ENTREP2: variants seen among roughly 807,000 people sequenced by gnomAD.
The protein encoded by ENTREP2 is protein ENTREP2.
the ENTREP2 span, among the ~76,000 whole-genome samples, chr15:29,158,991 A>G: frequency 2.0e-5 from 3 of 152,122 alleles, no homozygotes; most frequent in Non-Finnish European, 4.4e-5. Flanking sequence ...GACAATGTAC[A>G]TACATATAGC....
the ENTREP2 span, among the ~76,000 whole-genome samples, chr15:29,226,664 G>C: frequency 6.6e-6 from 1 of 152,164 alleles, no homozygotes; most frequent in African/African-American, 2.4e-5. Context: ...GGTTACTATG[G>C]GGCTCTTCCG....
the ENTREP2 span, among the ~76,000 whole-genome samples, chr15:29,274,311 G>C: frequency 3.9e-5 from 6 of 152,208 alleles, no homozygotes; most frequent in Non-Finnish European, 8.8e-5. Context: ...AACTGTCACA[G>C]GAGAAGATTA....
At chr15:29,667,716 G>A in the ENTREP2 span, among the ~76,000 whole-genome samples, 2 of 151,462 alleles carry the variant, frequency 1.3e-5, no homozygotes, top group Admixed American at 6.6e-5. Flanking sequence ...GGCTGGTCTC[G>A]AACTCCTGAC....
At chr15:29,305,905 G>A in the ENTREP2 span, among the ~76,000 whole-genome samples, 1 of 152,226 alleles carries the variant, frequency 6.6e-6, no homozygotes, top group Non-Finnish European at 1.5e-5. Context: ...GCTTCGTGCT[G>A]AAGCACTTCC....
chr15:29,651,023 A>G, the ENTREP2 span, among the ~76,000 whole-genome samples: 2 of 152,218 alleles, frequency 1.3e-5, no homozygotes, highest in Admixed American at 6.5e-5. Flanking sequence ...TCTCTAAAAC[A>G]TAAAAATAAT....
At chr15:29,132,014 G>A in the ENTREP2 span, among the ~76,000 whole-genome samples, 3 of 147,296 alleles carry the variant, frequency 2.0e-5, no homozygotes, top group Non-Finnish European at 4.5e-5. Flanking sequence ...CCTCGTGGAG[G>A]CCGCCCCCTC....
At chr15:29,436,490 G>T in the ENTREP2 span, among the ~76,000 whole-genome samples, 8 of 152,154 alleles carry the variant, frequency 5.3e-5, no homozygotes, top group Non-Finnish European at 8.8e-5. Context: ...GGTGTTCTGT[G>T]AGCAGAGATT....
At chr15:29,602,774 A>G in the ENTREP2 span, among the ~76,000 whole-genome samples, 1 of 152,164 alleles carries the variant, frequency 6.6e-6, no homozygotes, top group African/African-American at 2.4e-5. Context: ...GAGCCAAAAC[A>G]CAAAGCCATT....
At chr15:29,388,475 C>T in the ENTREP2 span, among the ~76,000 whole-genome samples, 1,936 of 152,186 alleles carry the variant, frequency 0.013, 31 homozygotes, top group Non-Finnish European at 0.014. Flanking sequence ...CAACAGGTGC[C>T]GGAGAGGACG....
At chr15:29,180,385 G>T in the ENTREP2 span, among the ~76,000 whole-genome samples, 1 of 152,160 alleles carries the variant, frequency 6.6e-6, no homozygotes, top group African/African-American at 2.4e-5. Flanking sequence ...TAAAAAGTAG[G>T]CCAGGCGCAC....
chr15:29,388,620 A>G, the ENTREP2 span, among the ~76,000 whole-genome samples: 1,196 of 152,352 alleles, frequency 7.9e-3, 6 homozygotes, highest in Non-Finnish European at 0.013. Flanking sequence ...TACTGGGTAT[A>G]TACCCAAAGG....
At chr15:29,627,241 G>A in the ENTREP2 span, among the ~76,000 whole-genome samples, 2 of 152,020 alleles carry the variant, frequency 1.3e-5, no homozygotes, top group African/African-American at 2.4e-5. Context: ...AGTGGTATTA[G>A]TGCATTCAAA....
chr15:29,549,325 A>C, the ENTREP2 span, among the ~76,000 whole-genome samples: 1 of 150,000 alleles, frequency 6.7e-6, no homozygotes, highest in Non-Finnish European at 1.5e-5. Flanking sequence ...GCTGGAGTGC[A>C]GTGGTGTGAT....
At chr15:29,194,055 A>T in the ENTREP2 span, among the ~76,000 whole-genome samples, 35 of 152,218 alleles carry the variant, frequency 2.3e-4, no homozygotes, top group Non-Finnish European at 2.6e-4. Flanking sequence ...TGACATGTGG[A>T]CTCCATGCAA....
At chr15:29,668,184 G>T in the ENTREP2 span, among the ~76,000 whole-genome samples, 1 of 152,154 alleles carries the variant, frequency 6.6e-6, no homozygotes, top group East Asian at 1.9e-4. Flanking sequence ...AACAGAAGAG[G>T]GAGCAGTTGA....
At chr15:29,220,077 G>A in the ENTREP2 span, among the ~76,000 whole-genome samples, 1 of 152,218 alleles carries the variant, frequency 6.6e-6, no homozygotes, top group South Asian at 2.1e-4. Flanking sequence ...AGGCGAGACA[G>A]TAGGCCAGAA....
At chr15:29,160,650 A>G in the ENTREP2 span, among the ~76,000 whole-genome samples, 2 of 143,948 alleles carry the variant, frequency 1.4e-5, no homozygotes, top group African/African-American at 2.7e-5. Flanking sequence ...CAGAGGTTGC[A>G]GTGAGCCAAG....
the ENTREP2 span, among the ~76,000 whole-genome samples, chr15:29,166,016 CAT>C: frequency 6.6e-6 from 1 of 152,272 alleles, no homozygotes; most frequent in South Asian, 2.1e-4. Context: ...GATGGTTTAA[CAT>C]ATGCAAGTCA....
the ENTREP2 span, among the ~76,000 whole-genome samples, chr15:29,249,585 A>T: frequency 6.6e-6 from 1 of 152,036 alleles, no homozygotes; most frequent in Admixed American, 6.6e-5. Context: ...TTCTATAGTA[A>T]ATGTATAATT....
Sources: gnomAD v4.1 joint callset for allele counts (sites outside exome capture counted in the v4.1 genomes callset) on GRCh38, gnomAD v4.1.1 for gene constraint, MANE v1.5 for transcripts, NCBI Gene and HGNC (gene_info 2026-07-23, HGNC 2026-07-21) for gene names.